SP4: variants seen among roughly 807,000 people sequenced by gnomAD.
SP4 encodes the protein Sp4 transcription factor.
In SP4, 19 loss-of-function variants were observed where a neutral mutation model predicts 72.8. The ratio of observed to expected loss-of-function variants is 0.26; its 90% confidence interval spans 0.18 to 0.38. The LOEUF (loss-of-function observed/expected upper bound fraction) is 0.38, where lower values mean the gene tolerates loss of function less well. Ranked by LOEUF, SP4 falls within the 10% of genes least tolerant of loss-of-function variation. The pLI, the probability that SP4 is intolerant of heterozygous loss-of-function variation, is 1.00. For synonymous variants in SP4, 395 were observed against 333.1 expected (o/e 1.19, Z -2.02); for missense variants, 1,008 against 926.3 (o/e 1.09, Z -1.14).
At chr7:21,481,381 G>A (rs1343708618) in intron 4 of SP4, among the ~76,000 whole-genome samples, 3 of 152,310 alleles carry the variant, frequency 2.0e-5, no homozygotes, top group African/African-American at 4.8e-5. Context: ...AAATACCACA[G>A]ACTCTTACTG....
chr7:21,486,611 G>C (rs1480049900), intron 5 of SP4, among the ~76,000 whole-genome samples: 4 of 152,126 alleles, frequency 2.6e-5, no homozygotes, highest in African/African-American at 9.7e-5. Context: ...ATTGTCATGA[G>C]AAGAATAGCA....
chr7:21,507,984 A>G (rs78067595), intron 5 of SP4, among the ~76,000 whole-genome samples: 8,608 of 152,120 alleles, frequency 0.057, 252 homozygotes, highest in African/African-American at 0.067. Flanking sequence ...CCAACCACCA[A>G]GACAGTACTT....
At chr7:21,456,618 G>A (rs1234376155) in intron 3 of SP4, among the ~76,000 whole-genome samples, 1 of 152,228 alleles carries the variant, frequency 6.6e-6, no homozygotes. Context: ...CCTGAGGCAG[G>A]CAGTCTGGCG....
chr7:21,490,716 C>G (rs1784955096), intron 5 of SP4, among the ~76,000 whole-genome samples: 1 of 152,104 alleles, frequency 6.6e-6, no homozygotes, highest in African/African-American at 2.4e-5. Context: ...CTGGGCTCAA[C>G]CTTGAGCATT....
At chr7:21,497,114 T>C (rs1781729279) in intron 5 of SP4, among the ~76,000 whole-genome samples, 1 of 152,274 alleles carries the variant, frequency 6.6e-6, no homozygotes, top group Admixed American at 6.5e-5. Flanking sequence ...AAATACTTGC[T>C]TCTAATTGTT....
chr7:21,476,216 G>C (rs1583424949), intron 3 of SP4, among the ~76,000 whole-genome samples: 1 of 144,708 alleles, frequency 6.9e-6, no homozygotes, highest in South Asian at 2.2e-4. Flanking sequence ...GGAGGTTGCA[G>C]TGAGCCGAGA....
chr7:21,454,862 G>T (rs1013567528), intron 3 of SP4, among the ~76,000 whole-genome samples: 1 of 152,166 alleles, frequency 6.6e-6, no homozygotes, highest in Non-Finnish European at 1.5e-5. Flanking sequence ...GCCCCAAAAG[G>T]GTGTGAATCT....
chr7:21,458,661 A>G (rs975390450), intron 3 of SP4, among the ~76,000 whole-genome samples: 4 of 152,258 alleles, frequency 2.6e-5, no homozygotes, highest in Middle Eastern at 3.4e-3. Flanking sequence ...TTTTCCCCAA[A>G]TAAGTGCTCA....
intron 3 of SP4, among the ~76,000 whole-genome samples, chr7:21,450,409 T>C (rs1371057392): frequency 6.6e-6 from 1 of 152,162 alleles, no homozygotes; most frequent in Non-Finnish European, 1.5e-5. Flanking sequence ...TTGAGGTAAA[T>C]ATACATGCTT....
At chr7:21,445,361 A>T (rs1783388054) in intron 3 of SP4, among the ~76,000 whole-genome samples, 1 of 152,112 alleles carries the variant, frequency 6.6e-6, no homozygotes, top group African/African-American at 2.4e-5. Flanking sequence ...CATTAAGAAA[A>T]CCCAGAGACC....
intron 5 of SP4, among the ~76,000 whole-genome samples, chr7:21,508,909 T>C (rs952085480): frequency 6.6e-6 from 1 of 151,906 alleles, no homozygotes; most frequent in Non-Finnish European, 1.5e-5. Flanking sequence ...ACATGTTGAT[T>C]TATATAATTA....
chr7:21,468,310 A>G (rs1373032893), intron 3 of SP4, among the ~76,000 whole-genome samples: 1 of 152,144 alleles, frequency 6.6e-6, no homozygotes, highest in African/African-American at 2.4e-5. Context: ...AAAGTTTCGA[A>G]TTAAATTTGT....
At chr7:21,484,083 A>G (rs906372442) in intron 5 of SP4, among the ~76,000 whole-genome samples, 1 of 151,902 alleles carries the variant, frequency 6.6e-6, no homozygotes, top group Non-Finnish European at 1.5e-5. Flanking sequence ...TAGTATCAGA[A>G]AAGAAAAAAT....
intron 5 of SP4, among the ~76,000 whole-genome samples, chr7:21,495,145 G>C (rs917834459): frequency 1.3e-5 from 2 of 152,054 alleles, no homozygotes; most frequent in Non-Finnish European, 2.9e-5. Context: ...ATAAAATATA[G>C]GACAAAATCT....
intron 3 of SP4, among the ~76,000 whole-genome samples, chr7:21,438,315 C>T (rs1280445216): frequency 1.3e-5 from 2 of 152,064 alleles, no homozygotes; most frequent in African/African-American, 4.8e-5. Flanking sequence ...CAGCACATGG[C>T]CAGAGTTCTC....
Position 21,459,116 on chromosome 7 carries a change from A to ATTGTTTTGTT in SP4, c.1679-17949_1679-17940dup, listed in dbSNP as rs3835335. Reference sequence around the variant, plus strand: ...AAGCTATCATTGTAATGTTTTGGGAATTGTTTTGTTTTGTTTTGTTTTGAG... The same window carrying ATTGTTTTGTT: ...AAGCTATCATTGTAATGTTTTGGGAATTGTTTTGTTTTGTTTTGTTTTGTTTTGTTTTGAG... On this transcript the variant is annotated intron_variant, in intron 3 of 5. Transcript: ENST00000222584. 2.8e-4 allele frequency among the ~76,000 whole-genome samples: 42 copies of ATTGTTTTGTT among 150,670 alleles called. No homozygotes were observed. The East Asian group carries it at 4.5e-3, about 16-fold the overall frequency.
At chr7:21,496,240 T>A (rs1562625507) in intron 5 of SP4, among the ~76,000 whole-genome samples, 1 of 152,184 alleles carries the variant, frequency 6.6e-6, no homozygotes, top group Non-Finnish European at 1.5e-5. Context: ...AAAAATGAAT[T>A]TTACTGTATA....
At chr7:21,472,037 T>G (rs908802665) in intron 3 of SP4, among the ~76,000 whole-genome samples, 8 of 152,108 alleles carry the variant, frequency 5.3e-5, no homozygotes, top group Non-Finnish European at 1.2e-4. Flanking sequence ...ATTAGGAAAG[T>G]GGGCTAAGCT....
chr7:21,476,976 C>A, intron 3 of SP4, 103 bp from the exon 4 acceptor site: 1 of 788,854 alleles, frequency 1.3e-6, no homozygotes, highest in Non-Finnish European at 2.0e-6. Flanking sequence ...GTACTTTACA[C>A]AGATTGTTAG....
Sources: allele counts gnomAD v4.1 joint callset (sites outside exome capture counted in the v4.1 genomes callset), GRCh38; gene constraint gnomAD v4.1.1; transcripts MANE v1.5; gene names NCBI Gene and HGNC (gene_info 2026-07-23, HGNC 2026-07-21).